TOGARAM2: variants seen among roughly 807,000 people sequenced by gnomAD.
The protein encoded by TOGARAM2 is TOG array regulator of axonemal microtubules 2.
TOGARAM2 carries 85 observed loss-of-function variants against 93.3 expected under a neutral mutation model. That is an observed-to-expected ratio of 0.91 (90% confidence interval 0.76 to 1.09). TOGARAM2 has a LOEUF of 1.09. Ranked by LOEUF, TOGARAM2 falls within the 50% of genes least tolerant of loss-of-function variation. The pLI is 0.00. For synonymous variants in TOGARAM2, 593 were observed against 552.8 expected (o/e 1.07, Z -1.02); for missense variants, 1,277 against 1,334.5 (o/e 0.96, Z 0.67).
intron 1 of TOGARAM2, among the ~76,000 whole-genome samples, chr2:28,976,232 G>T (rs369934465): frequency 6.6e-6 from 1 of 152,106 alleles, no homozygotes; most frequent in Non-Finnish European, 1.5e-5. Flanking sequence ...TTAGCCGGAC[G>T]TGGTGGCGGG....
intron 10 of TOGARAM2, among the ~76,000 whole-genome samples, chr2:29,021,659 G>A (rs1276130085): frequency 6.6e-6 from 1 of 152,176 alleles, no homozygotes; most frequent in Non-Finnish European, 1.5e-5. Flanking sequence ...TCTGCTCTTG[G>A]ACTCTTCCCT....
intron 12 of TOGARAM2, 32 bp from the exon 13 acceptor site, chr2:29,024,106 AG>A: frequency 3.9e-6 from 6 of 1,538,506 alleles, no homozygotes; most frequent in Non-Finnish European, 5.3e-6. Flanking sequence ...GGCAGGGTCC[AG>A]CACCCTGGAG....
At position 29,027,002 on chromosome 2, in the gene TOGARAM2, A is replaced by C; in HGVS notation, c.2003A>C (p.Gln668Pro). The change falls in exon 14 of 20, where the codon CAG (glutamine) becomes CCG (proline). Residue 668 changes from glutamine to proline, a missense_variant. By Grantham distance (76) the Gln-to-Pro change is moderately conservative. Coordinates refer to ENST00000379558, the MANE Select transcript of TOGARAM2 (RefSeq NM_199280.4). Reference protein sequence around the residue: ...NLVRLAQDSNQDTRFYGRKMV... With the variant: ...NLVRLAQDSNPDTRFYGRKMV... ...GTGAGGCTGGCACAGGACTCCAACC[A>C]GGACACCAGGTAGGGCAGGGCCAGG... is the stretch of plus-strand genomic sequence containing the variant. 1 of 1,560,648 alleles carries C rather than the reference A, an allele frequency of 6.4e-7. No individual in the cohort carries two copies. The highest frequency in any genetic ancestry group is 1.2e-5 in the South Asian group (1 of 84,152).
intron 2 of TOGARAM2, among the ~76,000 whole-genome samples, chr2:28,997,040 T>C (rs536610645): frequency 6.6e-6 from 1 of 152,284 alleles, no homozygotes; most frequent in African/African-American, 2.4e-5. Context: ...AATGTACTGA[T>C]TTACTTTCTG....
At chr2:29,030,535 G>A (rs781235916) in intron 14 of TOGARAM2, among the ~76,000 whole-genome samples, 2 of 152,128 alleles carry the variant, frequency 1.3e-5, no homozygotes, top group Non-Finnish European at 2.9e-5. Context: ...GGAAATCAAG[G>A]TCTAAAGTCT....
chr2:29,006,249 T>C (rs538651738), intron 6 of TOGARAM2, among the ~76,000 whole-genome samples: 2 of 148,520 alleles, frequency 1.3e-5, no homozygotes, highest in Admixed American at 1.3e-4. Context: ...TTGTGGAGTG[T>C]GTGTGCATGT....
At chr2:29,019,161 T>A (rs1379774316) in intron 10 of TOGARAM2, among the ~76,000 whole-genome samples, 1 of 150,662 alleles carries the variant, frequency 6.6e-6, no homozygotes, top group Admixed American at 6.6e-5. Flanking sequence ...TATTGATGTA[T>A]ATAACCCAAC....
intron 1 of TOGARAM2, among the ~76,000 whole-genome samples, chr2:28,982,466 G>A (rs1233953408): frequency 6.6e-6 from 1 of 152,180 alleles, no homozygotes; most frequent in African/African-American, 2.4e-5. Context: ...CTTCTATCCT[G>A]AACTGGGCAG....
Position 28,999,281 on chromosome 2 carries a change from T to C in TOGARAM2, c.240T>C (p.Pro80=). The change falls in exon 4 of 20, where the codon CCT becomes CCC. Residue 80 remains proline (P), a synonymous_variant. Coordinates refer to ENST00000379558, the MANE Select transcript of TOGARAM2 (RefSeq NM_199280.4). ...TGGGTGGCCTCAAGCTGGACACCCC[T>C]TCCAAGGGCTGGCAGGCAAGGAATG... The part of the protein sequence containing the change: ...GQLGGLKLDT[P]SKGWQARNGH... The C allele has an allele frequency of 1.2e-6, 2 of 1,613,850 alleles. No individual in the cohort carries two copies. The highest frequency in any genetic ancestry group is 1.7e-6 in the Non-Finnish European group (2 of 1,179,800).
At chr2:28,968,069 T>G (rs901868787) in intron 1 of TOGARAM2, among the ~76,000 whole-genome samples, 7 of 152,100 alleles carry the variant, frequency 4.6e-5, no homozygotes, top group Non-Finnish European at 1.5e-5. Context: ...TCCGCCCGCC[T>G]TGGCCTCCAA....
intron 1 of TOGARAM2, among the ~76,000 whole-genome samples, chr2:28,987,371 A>G (rs1248129827): frequency 2.0e-5 from 3 of 151,824 alleles, no homozygotes; most frequent in South Asian, 2.1e-4. Context: ...TTCACTGCAA[A>G]CTCCGCCTCC....
At chr2:29,001,901 C>T (rs1263018012) in intron 4 of TOGARAM2, among the ~76,000 whole-genome samples, 1 of 151,890 alleles carries the variant, frequency 6.6e-6, no homozygotes, top group Admixed American at 6.6e-5. Flanking sequence ...ACAAAGATAA[C>T]CCTGAGCTCT....
Position 29,014,375 on chromosome 2 carries a change from C to G in TOGARAM2, c.878-20C>G, listed in dbSNP as rs1664424968. Reference sequence around the variant, plus strand: ...GTGACCTGGGTGTCTTCAGCTCCACCCCTGTTCTCAACCCCTCAGAGCCAA... The same window carrying G: ...GTGACCTGGGTGTCTTCAGCTCCACGCCTGTTCTCAACCCCTCAGAGCCAA... On this transcript the variant is annotated intron_variant, in intron 7 of 19. Transcript: ENST00000379558. 3.1e-6 allele frequency: 5 copies of G among 1,607,774 alleles called. No homozygotes were observed. The highest frequency in any genetic ancestry group is 1.3e-5 in the African/African-American group (1 of 74,750).
chr2:28,992,943 C>A (rs1672806029), intron 1 of TOGARAM2, among the ~76,000 whole-genome samples: 1 of 151,986 alleles, frequency 6.6e-6, no homozygotes, highest in Admixed American at 6.6e-5. Flanking sequence ...GCCTGTAATC[C>A]CAGCTACTTG....
At chr2:28,958,897 G>A (rs576512196) in intron 1 of TOGARAM2, among the ~76,000 whole-genome samples, 1 of 152,342 alleles carries the variant, frequency 6.6e-6, no homozygotes, top group African/African-American at 2.4e-5. Context: ...CCCGTGGAGG[G>A]TGGGGATGTG....
intron 1 of TOGARAM2, among the ~76,000 whole-genome samples, chr2:28,984,320 C>T (rs890562174): frequency 6.6e-6 from 1 of 152,084 alleles, no homozygotes; most frequent in Non-Finnish European, 1.5e-5. Context: ...GAGGCACACA[C>T]AAAACTCTGG....
At chr2:28,958,524 ACTC>A (rs1284123375) in intron 1 of TOGARAM2, among the ~76,000 whole-genome samples, 1 of 151,174 alleles carries the variant, frequency 6.6e-6, no homozygotes, top group Non-Finnish European at 1.5e-5. Flanking sequence ...CAGATTTTGA[ACTC>A]CTGGGCTTAA....
In TOGARAM2 at chr2:29,017,201, G is replaced by A. The variant is rs1281788304; in HGVS notation, c.1092G>A (p.Lys364=). 3 of 1,613,824 alleles carry A rather than the reference G, an allele frequency of 1.9e-6. No homozygotes were observed. In the African/African-American group the frequency reaches 4.0e-5, roughly 22 times the overall value. Residue 364 remains lysine (K), a synonymous_variant, in exon 9 of 20, where the codon AAG becomes AAA. Coordinates refer to ENST00000379558, the MANE Select transcript of TOGARAM2 (RefSeq NM_199280.4). ...CTGCCCGGGAGAAGATGCAGCTGAAGCAGATGAAGGAGATGGAGCTGCTTC... is the reference window on the plus strand; with the variant it reads ...CTGCCCGGGAGAAGATGCAGCTGAAACAGATGAAGGAGATGGAGCTGCTTC... The part of the protein sequence containing the change: ...SKSAREKMQL[K]QMKEMELLRR...
chr2:29,005,336 CG>C (rs1673657774), intron 6 of TOGARAM2, among the ~76,000 whole-genome samples: 1 of 48,302 alleles, frequency 2.1e-5, no homozygotes, highest in Non-Finnish European at 6.4e-5. Flanking sequence ...TGTGTGAGAC[CG>C]TGTGTGTGCA....
Sources: allele counts gnomAD v4.1 joint callset (sites outside exome capture counted in the v4.1 genomes callset), GRCh38; gene constraint gnomAD v4.1.1; transcripts MANE v1.5; gene names NCBI Gene and HGNC (gene_info 2026-07-23, HGNC 2026-07-21).